Variants in CDK6 observed in about 807,000 individuals in gnomAD.
CDK6 encodes the protein cyclin-dependent kinase 6.
CDK6 carries 6 observed loss-of-function variants against 37.1 expected under a neutral mutation model. That is an observed-to-expected ratio of 0.16 (90% CI 0.09 to 0.32). The LOEUF (loss-of-function observed/expected upper bound fraction) is 0.32. Ranked by LOEUF, CDK6 falls within the 10% of genes least tolerant of loss-of-function variation. The pLI is 1.00. For missense variants in CDK6, 224 were observed against 418.9 expected, an observed-to-expected ratio of 0.53 and a Z score of 4.06; for synonymous variants, 160 against 161.3, an observed-to-expected ratio of 0.99 and a Z score of 0.06.
intron 3 of CDK6, among the ~76,000 whole-genome samples, chr7:92,745,343 G>A (rs1799033404): frequency 6.6e-6 from 1 of 152,170 alleles, no homozygotes; most frequent in Non-Finnish European, 1.5e-5. Flanking sequence ...GTTGTTAGAT[G>A]TCTGTGTTTT....
intron 5 of CDK6, among the ~76,000 whole-genome samples, chr7:92,623,985 T>A (rs182580700): frequency 6.6e-5 from 10 of 152,152 alleles, no homozygotes; most frequent in Admixed American, 5.2e-4. Flanking sequence ...AGGTATCATA[T>A]CTCTTTTTAT....
chr7:92,665,387 A>G (rs955418084), intron 5 of CDK6, among the ~76,000 whole-genome samples: 2 of 152,178 alleles, frequency 1.3e-5, no homozygotes, highest in Non-Finnish European at 2.9e-5. Flanking sequence ...ATACAATTCA[A>G]TGTGGAGTAA....
At chr7:92,804,641 TA>T (rs1372329221) in intron 2 of CDK6, among the ~76,000 whole-genome samples, 1 of 152,240 alleles carries the variant, frequency 6.6e-6, no homozygotes, top group Non-Finnish European at 1.5e-5. Flanking sequence ...TGCAGACCTT[TA>T]TAATTTTTTG....
intron 5 of CDK6, among the ~76,000 whole-genome samples, chr7:92,642,544 C>T (rs1796335026): frequency 6.6e-6 from 1 of 152,116 alleles, no homozygotes; most frequent in African/African-American, 2.4e-5. Flanking sequence ...CATCCTTTAT[C>T]CTGTTCTAGA....
chr7:92,739,862 C>T (rs751179058), intron 3 of CDK6, among the ~76,000 whole-genome samples: 26 of 152,194 alleles, frequency 1.7e-4, no homozygotes, highest in Non-Finnish European at 3.5e-4. Context: ...ACAAGCAATG[C>T]TCCTTCCTCA....
At chr7:92,711,025 G>A (rs903837669) in intron 4 of CDK6, among the ~76,000 whole-genome samples, 1 of 152,234 alleles carries the variant, frequency 6.6e-6, no homozygotes, top group Non-Finnish European at 1.5e-5. Context: ...AAGGAGTGCA[G>A]GAGTAGGAGC....
chr7:92,701,654 C>G (rs1797848817), intron 4 of CDK6: 1 of 152,432 alleles, frequency 6.6e-6, no homozygotes, highest in South Asian at 2.1e-4. Flanking sequence ...ATCCGCCCGC[C>G]TGGGCCTCCC....
chr7:92,826,525 T>C (rs1287141000), intron 2 of CDK6, among the ~76,000 whole-genome samples: 4 of 152,182 alleles, frequency 2.6e-5, no homozygotes, highest in South Asian at 4.1e-4. Context: ...ATTAAAGTAA[T>C]AGAGGTGGAT....
intron 4 of CDK6, among the ~76,000 whole-genome samples, chr7:92,720,894 C>T (rs1562946545): frequency 6.6e-6 from 1 of 152,168 alleles, no homozygotes. Context: ...TCTTGAAACA[C>T]TTTTGCCAGA....
At chr7:92,775,976 T>C (rs1799840941) in intron 2 of CDK6, among the ~76,000 whole-genome samples, 1 of 152,122 alleles carries the variant, frequency 6.6e-6, no homozygotes. Context: ...GTTTGTTACA[T>C]AGGTATACAC....
At chr7:92,701,946 A>G (rs1445370085) in intron 4 of CDK6, 2 of 152,228 alleles carry the variant, frequency 1.3e-5, no homozygotes, top group African/African-American at 4.8e-5. Context: ...ATACTCGTTG[A>G]CTGTCTTTCA....
rs529329259 is a variant in CDK6, at chr7:92,776,874, GAT to G, written c.234-2045_234-2044del. 3.9e-5 allele frequency among the ~76,000 whole-genome samples: 6 copies of G among 152,276 alleles called. No homozygotes were observed. The South Asian group carries it at 1.2e-3, about 32-fold the overall frequency. On this transcript the variant is annotated intron_variant, in intron 2 of 7. Coordinates refer to ENST00000424848, the MANE Select transcript of CDK6 (RefSeq NM_001145306.2). ...TTCTGTAGGTTGCCCGTTCACTGAT[GAT>G]AGTTTCTTTTGCTGTGCAGAAGCTC...
intron 2 of CDK6, among the ~76,000 whole-genome samples, chr7:92,820,148 T>G (rs984277662): frequency 2.0e-5 from 3 of 151,818 alleles, no homozygotes; most frequent in Non-Finnish European, 4.4e-5. Flanking sequence ...AAAAGGCAAT[T>G]AGAAACTCCA....
intron 2 of CDK6, among the ~76,000 whole-genome samples, chr7:92,788,850 C>T (rs754263367): frequency 2.6e-5 from 4 of 152,138 alleles, no homozygotes; most frequent in South Asian, 2.1e-4. Context: ...GGCATGGTGG[C>T]TCATGCATGT....
intron 3 of CDK6, among the ~76,000 whole-genome samples, chr7:92,769,377 T>C (rs992599213): frequency 2.0e-5 from 3 of 152,168 alleles, no homozygotes; most frequent in East Asian, 1.9e-4. Context: ...GATTGAATCA[T>C]CAAAAGAGGC....
chr7:92,815,062 A>G (rs1000070733), intron 2 of CDK6, among the ~76,000 whole-genome samples: 2 of 152,330 alleles, frequency 1.3e-5, no homozygotes, highest in East Asian at 3.9e-4. Flanking sequence ...ACGAGTCAAC[A>G]GGTGCAATGG....
At chr7:92,671,392 A>G in intron 5 of CDK6, 34 bp downstream of exon 5, 1 of 1,341,732 alleles carries the variant, frequency 7.5e-7, no homozygotes, top group Non-Finnish European at 1.0e-6. Context: ...TCTCTTTTCA[A>G]GGAAAGCAGA....
At chr7:92,661,230 G>C (rs1221625200) in intron 5 of CDK6, among the ~76,000 whole-genome samples, 1 of 152,186 alleles carries the variant, frequency 6.6e-6, no homozygotes, top group African/African-American at 2.4e-5. Flanking sequence ...AATAATCCTG[G>C]TTCAAAGCCT....
intron 3 of CDK6, among the ~76,000 whole-genome samples, chr7:92,758,379 C>T (rs550608186): frequency 1.3e-5 from 2 of 152,256 alleles, no homozygotes; most frequent in South Asian, 2.1e-4. Context: ...GCACCCTTTA[C>T]TGAATAGAGA....
Sources: gnomAD v4.1 joint callset for allele counts (sites outside exome capture counted in the v4.1 genomes callset) on GRCh38, gnomAD v4.1.1 for gene constraint, MANE v1.5 for transcripts, NCBI Gene and HGNC (gene_info 2026-07-23, HGNC 2026-07-21) for gene names.